Variants in TSHR observed in about 807,000 individuals in gnomAD.
TSHR encodes thyrotropin receptor.
In TSHR, 51 loss-of-function variants were observed where a neutral mutation model predicts 64.1. The ratio of observed to expected loss-of-function variants is 0.80; its 90% confidence interval spans 0.64 to 1.01. The LOEUF is 1.01. TSHR is among the 50% of genes least tolerant of loss of function. TSHR has a pLI of 0.00. For synonymous variants in TSHR, 361 were observed against 361.9 expected (o/e 1.00, Z 0.03); for missense variants, 877 against 942.8 (o/e 0.93, Z 0.91).
At chr14:81,018,916 A>G (rs1231980287) in intron 1 of TSHR, among the ~76,000 whole-genome samples, 2 of 152,260 alleles carry the variant, frequency 1.3e-5, no homozygotes, top group African/African-American at 4.8e-5. Flanking sequence ...TTGCAGATCA[A>G]CTTAGTGAAA....
rs549826993 is a variant in TSHR at position 81,024,060 on chromosome 14, G to A, written c.171-38088G>A. 3.3e-5 allele frequency among the ~76,000 whole-genome samples: 5 copies of A among 152,168 alleles called. No homozygotes were observed. In the South Asian group the frequency reaches 8.3e-4, roughly 25 times the overall value. Reference sequence around the variant, plus strand: ...GGAACTCATCTGCTGCCTATTGGTTGGCAAAACCTGATTCTCCTGTTATCG... The same window carrying A: ...GGAACTCATCTGCTGCCTATTGGTTAGCAAAACCTGATTCTCCTGTTATCG... On this transcript the variant is annotated intron_variant, in intron 1 of 9. Transcript: ENST00000298171.
At chr14:80,973,904 C>A (rs1566743579) in intron 1 of TSHR, among the ~76,000 whole-genome samples, 1 of 152,036 alleles carries the variant, frequency 6.6e-6, no homozygotes, top group Non-Finnish European at 1.5e-5. Context: ...TTTTCCCCAA[C>A]CTGCTTTAGA....
rs928313454 is a variant in TSHR, at chr14:81,091,284, A to G, written c.467+141A>G. The G allele has an allele frequency of 8.9e-6, 7 of 790,206 alleles. No individual in the cohort carries two copies. The African/African-American group carries it at 1.0e-4, about 11-fold the overall frequency. The allele number at this position is 790,206 out of a possible 1,614,324, so 48.9% of individuals were successfully genotyped here. On this transcript the variant is annotated intron_variant, in intron 5 of 9. Transcript: ENST00000298171. ...AATGATCAGGTGTGACTACACTGGC[A>G]TGAAGTAAGGCAAGGACTGAGAAAT...
At chr14:81,043,510 C>T (rs1482193856) in intron 1 of TSHR, among the ~76,000 whole-genome samples, 1 of 152,112 alleles carries the variant, frequency 6.6e-6, no homozygotes, top group Non-Finnish European at 1.5e-5. Context: ...GTCATACTGC[C>T]CAAAGTAATT....
chr14:81,022,476 C>G (rs1201816525), intron 1 of TSHR, among the ~76,000 whole-genome samples: 2 of 152,120 alleles, frequency 1.3e-5, no homozygotes, highest in Non-Finnish European at 2.9e-5. Context: ...GTGTCCTCCT[C>G]TCCCCAGAAT....
chr14:80,999,926 C>CTTTTTTTTTTTTTTTTTTTTTTTTT (rs887541689), intron 1 of TSHR, among the ~76,000 whole-genome samples: 2 of 142,870 alleles, frequency 1.4e-5, no homozygotes, highest in African/African-American at 2.6e-5. Context: ...AATTTTTTTT[C>CTTTTTTTTTTTTTTTTTTTTTTTTT]TTTTTTTTCT....
At chr14:81,088,127 G>T in intron 4 of TSHR, 99 bp downstream of exon 4, 4 of 1,001,212 alleles carry the variant, frequency 4.0e-6, no homozygotes, top group Non-Finnish European at 6.3e-6. Context: ...TGTGGTCCAG[G>T]TTCATTTTAA....
At chr14:81,010,462 T>G (rs901335891) in intron 1 of TSHR, among the ~76,000 whole-genome samples, 1 of 151,946 alleles carries the variant, frequency 6.6e-6, no homozygotes, top group Non-Finnish European at 1.5e-5. Flanking sequence ...TCATTTATTT[T>G]TAACTATATT....
At chr14:81,091,628 G>C (rs571673946) in intron 5 of TSHR, among the ~76,000 whole-genome samples, 1 of 152,214 alleles carries the variant, frequency 6.6e-6, no homozygotes, top group African/African-American at 2.4e-5. Flanking sequence ...ATTTTTCATA[G>C]AGTTTTAATA....
intron 1 of TSHR, 99 bp downstream of exon 1, chr14:80,955,949 AGTGTGTGAGT>A: frequency 7.3e-7 from 1 of 1,373,996 alleles, no homozygotes; most frequent in Non-Finnish European, 1.0e-6. Flanking sequence ...AGCCCGAAGT[AGTGTGTGAGT>A]GTGTGTATGT....
At chr14:81,100,766 A>T (rs1889527856) in intron 7 of TSHR, among the ~76,000 whole-genome samples, 1 of 152,204 alleles carries the variant, frequency 6.6e-6, no homozygotes, top group African/African-American at 2.4e-5. Context: ...GGTAGGAAGG[A>T]GTGCAGAGCT....
intron 1 of TSHR, among the ~76,000 whole-genome samples, chr14:80,956,095 C>T (rs1405703356): frequency 6.6e-6 from 1 of 152,198 alleles, no homozygotes; most frequent in African/African-American, 2.4e-5. Context: ...CTTTGGTGTA[C>T]AATGACCGTG....
chr14:81,054,477 G>A (rs943629608), intron 1 of TSHR, among the ~76,000 whole-genome samples: 1 of 152,156 alleles, frequency 6.6e-6, no homozygotes, highest in African/African-American at 2.4e-5. Flanking sequence ...GAGCAGTTTC[G>A]AGGGCTCAGA....
intron 1 of TSHR, chr14:81,013,744 T>C (rs1377517219): frequency 6.6e-6 from 1 of 152,218 alleles, no homozygotes; most frequent in African/African-American, 2.4e-5. Context: ...AAGCTCTTTC[T>C]TCATACCAGA....
chr14:80,994,340 C>T (rs1888894831), intron 1 of TSHR: 1 of 151,772 alleles, frequency 6.6e-6, no homozygotes, highest in Admixed American at 6.6e-5. Context: ...ATTAAACTAC[C>T]TTTGACATTC....
At chr14:80,991,735 A>G in intron 1 of TSHR, 1 of 393,206 alleles carries the variant, frequency 2.5e-6, no homozygotes, top group Non-Finnish European at 4.5e-6. Context: ...TAGACTTCAA[A>G]CTTGGAAAGG....
chr14:81,019,865 G>A (rs1383113615), intron 1 of TSHR, among the ~76,000 whole-genome samples: 1 of 152,100 alleles, frequency 6.6e-6, no homozygotes, highest in East Asian at 1.9e-4. Flanking sequence ...ATCATTGATG[G>A]GCATTTGGGT....
intron 7 of TSHR, among the ~76,000 whole-genome samples, chr14:81,097,253 T>C (rs1411864236): frequency 5.3e-5 from 8 of 152,230 alleles, no homozygotes; most frequent in African/African-American, 1.9e-4. Flanking sequence ...TTCACCTTTT[T>C]CTATTTGTTG....
intron 1 of TSHR, chr14:81,052,518 T>C (rs1162347995): frequency 3.3e-5 from 5 of 152,224 alleles, no homozygotes; most frequent in Non-Finnish European, 5.9e-5. Context: ...GAGATTGCTT[T>C]GGTTATTCAG....
Sources: allele counts gnomAD v4.1 joint callset (sites outside exome capture counted in the v4.1 genomes callset), GRCh38; gene constraint gnomAD v4.1.1; transcripts MANE v1.5; gene names NCBI Gene and HGNC (gene_info 2026-07-23, HGNC 2026-07-21).